Variants in MOB1A observed in about 807,000 individuals in gnomAD.
MOB1A encodes the protein MOB kinase activator 1A.
A neutral mutation model predicts 25.1 loss-of-function variants in MOB1A; 10 were observed. The observed-to-expected ratio is 0.40, with a 90% CI of 0.25 to 0.68. The LOEUF (loss-of-function observed/expected upper bound fraction) is 0.68. Ranked by LOEUF, MOB1A falls within the 30% of genes least tolerant of loss-of-function variation. The pLI, the probability that MOB1A is intolerant of heterozygous loss-of-function variation, is 0.40. For synonymous variants in MOB1A, 81 were observed against 79.5 expected (o/e 1.02, Z -0.10); for missense variants, 177 against 256.3 (o/e 0.69, Z 2.11).
At chr2:74,170,494 G>A (rs950539089) in intron 2 of MOB1A, among the ~76,000 whole-genome samples, 4 of 151,944 alleles carry the variant, frequency 2.6e-5, no homozygotes, top group Non-Finnish European at 5.9e-5. Context: ...CAGCACTTTG[G>A]GAGGCCATGG....
chr2:74,168,983 GGGCACAAT>G (rs1693207995), intron 2 of MOB1A, among the ~76,000 whole-genome samples: 1 of 152,126 alleles, frequency 6.6e-6, no homozygotes, highest in Non-Finnish European at 1.5e-5. Flanking sequence ...TCTCTCAAGA[GGGCACAAT>G]GGTGTTTTCC....
Position 74,167,998 on chromosome 2 carries a change from G to C in MOB1A, c.182-891C>G, listed in dbSNP as rs370410475. On this transcript the variant is annotated intron_variant, in intron 2 of 5. Coordinates refer to ENST00000396049, the MANE Select transcript of MOB1A (RefSeq NM_018221.5). The stretch of plus-strand genomic sequence containing the variant: ...CAAAAATTTTTAAAAAATTAGCCAG[G>C]CGTGGTGGTGCACACCTACAGTCCC... Among the ~76,000 whole-genome samples, 4 of 152,234 alleles carry C rather than the reference G, an allele frequency of 2.6e-5. No homozygotes were observed. In the East Asian group the frequency reaches 5.8e-4, roughly 22 times the overall value.
intron 1 of MOB1A, chr2:74,177,919 G>A (rs1365308473): frequency 6.6e-6 from 1 of 152,146 alleles, no homozygotes; most frequent in African/African-American, 2.4e-5. Flanking sequence ...GTTGGGCTCA[G>A]GCATTATCTC....
chr2:74,170,140 T>TTG (rs1190800055), intron 2 of MOB1A, among the ~76,000 whole-genome samples: 3 of 143,260 alleles, frequency 2.1e-5, no homozygotes, highest in Non-Finnish European at 4.6e-5. Flanking sequence ...TTGTTTGTTT[T>TTG]TGTGTGTGTG....
At chr2:74,171,149 G>A (rs71418725) in intron 2 of MOB1A, among the ~76,000 whole-genome samples, 3 of 151,710 alleles carry the variant, frequency 2.0e-5, no homozygotes, top group Admixed American at 6.6e-5. Flanking sequence ...GCGTGGTGGC[G>A]GACACCTGTA....
At chr2:74,159,502 G>T (rs189352654) in intron 4 of MOB1A, among the ~76,000 whole-genome samples, 1 of 152,002 alleles carries the variant, frequency 6.6e-6, no homozygotes, top group Non-Finnish European at 1.5e-5. Flanking sequence ...GCCCAGGCTG[G>T]TCTTGAACTC....
intron 2 of MOB1A, 108 bp from the exon 3 acceptor site, chr2:74,167,215 G>C (rs1352787258): frequency 6.7e-6 from 5 of 743,774 alleles, no homozygotes; most frequent in African/African-American, 3.5e-5. Context: ...CTGAACCCTT[G>C]AGACATTCAA....
intron 2 of MOB1A, among the ~76,000 whole-genome samples, chr2:74,171,299 T>TA (rs113289246): frequency 0.023 from 3,280 of 140,430 alleles, 118 homozygotes; most frequent in African/African-American, 0.082. Context: ...AAAAATAAAA[T>TA]AAAAAAAAAA....
intron 2 of MOB1A, among the ~76,000 whole-genome samples, chr2:74,171,605 C>T (rs2103734742): frequency 6.6e-6 from 1 of 152,150 alleles, no homozygotes; most frequent in East Asian, 1.9e-4. Flanking sequence ...TTGAAATTTT[C>T]CATTAAGAAG....
chr2:74,170,328 G>C (rs1265575020), intron 2 of MOB1A, among the ~76,000 whole-genome samples: 1 of 151,788 alleles, frequency 6.6e-6, no homozygotes, highest in Admixed American at 6.6e-5. Context: ...TAGTAGAGAT[G>C]GGGTTTTACC....
At chr2:74,178,560 C>A in intron 1 of MOB1A, 101 bp downstream of exon 1, 1 of 853,652 alleles carries the variant, frequency 1.2e-6, no homozygotes, top group East Asian at 3.3e-5. Context: ...CTACCCCGCC[C>A]CCGCCTCGGC....
chr2:74,158,180 C>CA (rs58535875), intron 5 of MOB1A, among the ~76,000 whole-genome samples: 21,369 of 82,726 alleles, frequency 0.26, 2,338 homozygotes, highest in East Asian at 0.46. Flanking sequence ...ACTCTGTCTC[C>CA]AAAAAAAAAA....
intron 1 of MOB1A, among the ~76,000 whole-genome samples, chr2:74,173,948 C>CAAAAA (rs773447145): frequency 1.1e-4 from 6 of 56,214 alleles, no homozygotes; most frequent in Admixed American, 2.4e-4. Context: ...AACTCCGTCT[C>CAAAAA]AAAAAAAAAA....
chr2:74,163,158 C>T (rs1572957711), intron 4 of MOB1A, among the ~76,000 whole-genome samples: 3 of 152,110 alleles, frequency 2.0e-5, no homozygotes, highest in Admixed American at 1.3e-4. Context: ...CTCGGCATTG[C>T]GCTTGAAATA....
chr2:74,158,042 T>C (rs769766435), intron 5 of MOB1A, among the ~76,000 whole-genome samples: 1 of 151,734 alleles, frequency 6.6e-6, no homozygotes, highest in Non-Finnish European at 1.5e-5. Context: ...TAGCCGGGCG[T>C]GGTGGCAGGT....
chr2:74,159,834 G>A (rs1168297125), intron 4 of MOB1A, among the ~76,000 whole-genome samples: 4 of 105,240 alleles, frequency 3.8e-5, no homozygotes, highest in Admixed American at 1.1e-4. Flanking sequence ...CCCCCACCCC[G>A]GAGACTGAGC....
chr2:74,178,820 G>A lies in MOB1A; in HGVS notation c.-146C>T, dbSNP rs1035583258. On this transcript the variant is annotated 5_prime_UTR_variant, in exon 1 of 6. Transcript: ENST00000396049. ...TCGGAGCCGGGTTTCTGGCCGCTGC[G>A]AGCCTTTGCAAACCTCGGCGCCCGC... The A allele has an allele frequency of 5.5e-5, 24 of 434,436 alleles. 1 individual carries two copies. In the Admixed American group the frequency reaches 6.8e-4, roughly 12 times the overall value. The allele number at this position is 434,436 out of a possible 1,614,324, so 26.9% of individuals were successfully genotyped here.
At chr2:74,157,018 A>C (rs1692825422) in intron 5 of MOB1A, among the ~76,000 whole-genome samples, 1 of 151,238 alleles carries the variant, frequency 6.6e-6, no homozygotes, top group Non-Finnish European at 1.5e-5. Flanking sequence ...ACAGCTCCTA[A>C]AACCCTTGTT....
At chr2:74,161,641 T>C (rs187226056) in intron 4 of MOB1A, among the ~76,000 whole-genome samples, 1,533 of 128,158 alleles carry the variant, frequency 0.012, 30 homozygotes, top group African/African-American at 0.044. Flanking sequence ...AGAGTGAGAC[T>C]CCGCCTCAAA....
Sources: gnomAD v4.1 joint callset for allele counts (sites outside exome capture counted in the v4.1 genomes callset) on GRCh38, gnomAD v4.1.1 for gene constraint, MANE v1.5 for transcripts, NCBI Gene and HGNC (gene_info 2026-07-23, HGNC 2026-07-21) for gene names.